Variants in GFPT1 observed in about 807,000 individuals in gnomAD.
GFPT1 encodes the protein glutamine--fructose-6-phosphate transaminase 1.
Under a neutral mutation model 92.0 loss-of-function variants are expected in GFPT1, and 40 were observed. The observed-to-expected ratio is 0.43, with a 90% CI of 0.34 to 0.57. The LOEUF is 0.57. Among genes scored for constraint, GFPT1 ranks in the 20% least tolerant of loss-of-function variants. The pLI, the probability that GFPT1 is intolerant of heterozygous loss-of-function variation, is 0.02. For synonymous variants in GFPT1, 269 were observed against 280.6 expected (o/e 0.96, Z 0.41); for missense variants, 448 against 869.1 (o/e 0.52, Z 6.09).
intron 6 of GFPT1, 99 bp from the exon 7 acceptor site, chr2:69,356,656 C>G: frequency 2.4e-6 from 2 of 830,282 alleles, no homozygotes; most frequent in Non-Finnish European, 2.1e-6. Context: ...TTTGTTCACA[C>G]AAATGCTCTT....
intron 1 of GFPT1, among the ~76,000 whole-genome samples, chr2:69,382,545 T>C (rs1275162201): frequency 6.6e-6 from 1 of 152,156 alleles, no homozygotes; most frequent in Non-Finnish European, 1.5e-5. Flanking sequence ...CCAATTAACT[T>C]CTCTGCAGTA....
At chr2:69,367,507 C>T (rs1671639589) in intron 3 of GFPT1, among the ~76,000 whole-genome samples, 1 of 152,104 alleles carries the variant, frequency 6.6e-6, no homozygotes, top group Non-Finnish European at 1.5e-5. Flanking sequence ...ACTACAGGTG[C>T]ACGCCGCCAC....
rs141141702 is a variant in GFPT1, at chr2:69,324,597, G to C, written c.*1592C>G. ...ATAACAAATCTTTCTCTAACCCTAA[G>C]ACACAAGCAGAATTCTATGCTTCTC... On this transcript the variant is annotated 3_prime_UTR_variant, in exon 20 of 20. Coordinates refer to ENST00000357308, the MANE Select transcript of GFPT1 (RefSeq NM_001244710.2). The C allele has an allele frequency of 6.6e-6, 1 of 151,874 alleles. No individual in the cohort carries two copies. Among genetic ancestry groups the C allele is most frequent in the African/African-American group, 2.4e-5 (1 of 41,328 alleles). The allele number at this position is 151,874 out of a possible 1,614,324, so 9.4% of individuals were successfully genotyped here. A position where few individuals can be genotyped will look rare whatever the true frequency, so the allele number is the denominator to read the frequency against.
In GFPT1 at chr2:69,348,154, A is replaced by G; in HGVS notation, c.1009+17T>C. 3 of 1,601,082 alleles carry G rather than the reference A, an allele frequency of 1.9e-6. No homozygotes were observed. Among genetic ancestry groups the G allele is most frequent in the Non-Finnish European group, 2.6e-6 (3 of 1,168,148 alleles). ...TCCAGTAAGGACAGCAAGCTATAAC[A>G]TGACAAAAACTTTCACCCTTCATGA... On this transcript the variant is annotated intron_variant, in intron 11 of 19. Transcript: ENST00000357308.
At chr2:69,373,242 T>C (rs1671793647) in intron 2 of GFPT1, among the ~76,000 whole-genome samples, 1 of 152,178 alleles carries the variant, frequency 6.6e-6, no homozygotes, top group Admixed American at 6.5e-5. Flanking sequence ...GAGGATGGTC[T>C]TAGGAACCTC....
At position 69,337,800 on chromosome 2, in the gene GFPT1, A is replaced by G. The variant is rs1006583425; in HGVS notation, c.1482+98T>C. The G allele has an allele frequency of 5.2e-6, 5 of 966,644 alleles. No individual in the cohort carries two copies. The African/African-American group carries it at 8.0e-5, about 15-fold the overall frequency. 59.9% of individuals were successfully genotyped at this position (966,644 alleles called of 1,614,324 possible). On this transcript the variant is annotated intron_variant, in intron 15 of 19. Coordinates refer to ENST00000357308, the MANE Select transcript of GFPT1 (RefSeq NM_001244710.2). ...AAAAATAAAATGTGTGAGTTCTATA[A>G]CTGCTAACAAAAATAAGATACAGAC...
intron 1 of GFPT1, among the ~76,000 whole-genome samples, chr2:69,381,083 G>A (rs1479838044): frequency 2.6e-5 from 4 of 151,762 alleles, no homozygotes; most frequent in African/African-American, 4.8e-5. Flanking sequence ...GAGTTCAAGC[G>A]ATTCTCCCGC....
At chr2:69,330,559 TTA>T (rs1404432203) in intron 15 of GFPT1, among the ~76,000 whole-genome samples, 1 of 151,070 alleles carries the variant, frequency 6.6e-6, no homozygotes, top group Non-Finnish European at 1.5e-5. Context: ...AATCCCAGTT[TTA>T]TGTTTTAAGT....
At chr2:69,354,641 G>A (rs1326536160) in intron 7 of GFPT1, 73 bp from the exon 8 acceptor site, 1 of 841,404 alleles carries the variant, frequency 1.2e-6, no homozygotes, top group African/African-American at 1.7e-5. Flanking sequence ...AATTTAATGG[G>A]CCAATACTCT....
chr2:69,342,346 T>G, intron 12 of GFPT1, 97 bp from the exon 13 acceptor site: 7 of 764,256 alleles, frequency 9.2e-6, no homozygotes, highest in Non-Finnish European at 7.0e-6. Context: ...TGAGGAAGAA[T>G]ACTGCTGTTT....
chr2:69,330,561 A>T (rs1301347286), intron 15 of GFPT1, among the ~76,000 whole-genome samples: 1 of 143,846 alleles, frequency 7.0e-6, no homozygotes, highest in African/African-American at 2.6e-5. Flanking sequence ...TCCCAGTTTT[A>T]TGTTTTAAGT....
intron 13 of GFPT1, 114 bp from the exon 14 acceptor site, chr2:69,338,679 A>G: frequency 1.0e-6 from 1 of 980,274 alleles, no homozygotes; most frequent in Non-Finnish European, 1.6e-6. Flanking sequence ...ATGACACGTT[A>G]GAAAATAAAA....
chr2:69,371,313 A>C (rs1671742497), intron 2 of GFPT1: 1 of 150,506 alleles, frequency 6.6e-6, no homozygotes, highest in African/African-American at 2.4e-5. Flanking sequence ...TCCTTACCTC[A>C]AGTGATCCAT....
At chr2:69,373,658 A>G (rs1247664332) in intron 2 of GFPT1, among the ~76,000 whole-genome samples, 3 of 152,256 alleles carry the variant, frequency 2.0e-5, no homozygotes, top group East Asian at 1.9e-4. Context: ...AATCTGAGGC[A>G]AGTTTATGTG....
chr2:69,341,140 TAG>T (rs1670941438), intron 13 of GFPT1, among the ~76,000 whole-genome samples: 1 of 151,566 alleles, frequency 6.6e-6, no homozygotes, highest in East Asian at 1.9e-4. Flanking sequence ...TTTTTTTTGG[TAG>T]AGACGGGGTC....
intron 4 of GFPT1, among the ~76,000 whole-genome samples, chr2:69,360,222 G>A (rs1231566203): frequency 6.6e-6 from 1 of 151,660 alleles, no homozygotes; most frequent in African/African-American, 2.4e-5. Context: ...CCAGCTACTT[G>A]GGAGGCTGAG....
At chr2:69,330,644 G>A (rs1393453587) in intron 15 of GFPT1, among the ~76,000 whole-genome samples, 1 of 147,578 alleles carries the variant, frequency 6.8e-6, no homozygotes, top group Non-Finnish European at 1.5e-5. Flanking sequence ...AATCTCATCT[G>A]TTATTAGAAA....
At chr2:69,340,962 ATT>A (rs199569354) in intron 13 of GFPT1, among the ~76,000 whole-genome samples, 6 of 144,922 alleles carry the variant, frequency 4.1e-5, no homozygotes, top group Non-Finnish European at 3.1e-5. Context: ...CGTGTTCAAA[ATT>A]TTTTTTTTTT....
intron 11 of GFPT1, 133 bp from the exon 12 acceptor site, chr2:69,346,132 C>T (rs1671075836): frequency 1.5e-5 from 10 of 655,196 alleles, no homozygotes; most frequent in Non-Finnish European, 2.5e-5. Flanking sequence ...GACATGACTG[C>T]CTAAAAGATT....
Sources: allele counts gnomAD v4.1 joint callset (sites outside exome capture counted in the v4.1 genomes callset), GRCh38; gene constraint gnomAD v4.1.1; transcripts MANE v1.5; gene names NCBI Gene and HGNC (gene_info 2026-07-23, HGNC 2026-07-21).